Variants in JADE2 observed in about 807,000 individuals in gnomAD.
The protein encoded by JADE2 is jade family PHD finger 2.
In JADE2, 13 loss-of-function variants were observed where a neutral mutation model predicts 85.7. The observed-to-expected ratio is 0.15, with a 90% CI of 0.10 to 0.24. JADE2 has a LOEUF of 0.24. Ranked by LOEUF, JADE2 falls within the 10% of genes least tolerant of loss-of-function variation. The probability of loss-of-function intolerance (pLI) is 1.00; values close to 1 mark genes in which losing one functional copy is unlikely to be tolerated. For synonymous variants in JADE2, 440 were observed against 456.1 expected (o/e 0.96, Z 0.45); for missense variants, 846 against 1,115.9 (o/e 0.76, Z 3.45).
At position 134,566,694 on chromosome 5, in the gene JADE2, C is replaced by T. The variant is rs752036204; in HGVS notation, c.1434+114C>T. The T allele has an allele frequency of 1.5e-4, 122 of 815,980 alleles. No individual in the cohort carries two copies. The highest frequency in any genetic ancestry group is 2.2e-4 in the Non-Finnish European group (117 of 531,954). The allele number at this position is 815,980 out of a possible 1,614,324, so 50.5% of individuals were successfully genotyped here. On this transcript the variant is annotated intron_variant, in intron 9 of 11. Coordinates refer to ENST00000681547, the MANE Select transcript of JADE2 (RefSeq NM_001388185.1). The surrounding 1 kb of genome is among the most constrained non-coding windows in gnomAD (Gnocchi z 6.7). ...CTCACCAGGACTCAAACTGTGAGCT[C>T]TGGTGGACCGGCCCTGCTGCAGGAG...
chr5:134,533,511 G>T, intron 1 of JADE2: 1 of 984,904 alleles, frequency 1.0e-6, no homozygotes, highest in Non-Finnish European at 1.2e-6. Context: ...AATACTGTGG[G>T]AGATGCTGGC....
At position 134,564,596 on chromosome 5, in the gene JADE2, G is replaced by T; in HGVS notation, c.955G>T (p.Gly319Cys). The T allele has an allele frequency of 6.4e-7, 1 of 1,554,244 alleles. No homozygotes were observed. Among genetic ancestry groups the T allele is most frequent in the East Asian group, 2.4e-5 (1 of 41,676 alleles). ...CTGCAGCCTCTGCAAGGAATGCACA[G>T]GCACCTGCATCCAGGTATGTGGCCT... is the stretch of plus-strand genomic sequence containing the variant. The part of the protein sequence containing the change: ...LSCSLCKECT[G>C]TCIQCSMPSC... The change falls in exon 8 of 12, where the codon GGC becomes TGC. Residue 319 changes from glycine to cysteine, a missense_variant. Around this residue, in one of 9 missense-constraint regions of JADE2, gnomAD observed 129 missense variants for 255.4 expected, o/e 0.51. Coordinates refer to ENST00000681547, the MANE Select transcript of JADE2 (RefSeq NM_001388185.1).
intron 4 of JADE2, among the ~76,000 whole-genome samples, chr5:134,556,712 C>A (rs554361406): frequency 6.8e-6 from 1 of 146,278 alleles, no homozygotes; most frequent in East Asian, 2.1e-4. Context: ...ACACACCACA[C>A]ACACACCTCA....
rs549694310 is a variant in JADE2 at position 134,580,425 on chromosome 5, T to TTCCC, written c.*1108_*1109insTCCC. The TTCCC allele has an allele frequency of 2.8e-5, 2 of 72,078 alleles. No homozygotes were observed. Among genetic ancestry groups the TTCCC allele is most frequent in the Admixed American group, 1.5e-4 (1 of 6,636 alleles). 4.5% of individuals were successfully genotyped at this position (72,078 alleles called of 1,614,324 possible). Reference sequence around the variant, plus strand: ...TGAGCCTTAACCCCTCGCACAGCCATCCCCCCCCCCGTCCTGCCATCCCCC... The same window carrying TTCCC: ...TGAGCCTTAACCCCTCGCACAGCCATTCCCCCCCCCCCCCGTCCTGCCATCCCCC... On this transcript the variant is annotated 3_prime_UTR_variant, in exon 12 of 12. Coordinates refer to ENST00000681547, the MANE Select transcript of JADE2 (RefSeq NM_001388185.1).
intron 1 of JADE2, among the ~76,000 whole-genome samples, chr5:134,534,315 C>T (rs11956902): frequency 0.11 from 17,225 of 152,012 alleles, 1,430 homozygotes; most frequent in Admixed American, 0.28. Context: ...CTACTGTGAG[C>T]GCTTAGCAGT....
intron 1 of JADE2, among the ~76,000 whole-genome samples, chr5:134,527,648 C>T (rs558759480): frequency 3.9e-5 from 6 of 152,148 alleles, no homozygotes; most frequent in African/African-American, 9.6e-5. Flanking sequence ...CCTCCGGCTC[C>T]TCCTCCCGGC....
intron 8 of JADE2, among the ~76,000 whole-genome samples, 193 bp downstream of exon 8, chr5:134,564,803 G>T (rs1763539144): frequency 6.6e-6 from 1 of 152,142 alleles, no homozygotes; most frequent in South Asian, 2.1e-4. Flanking sequence ...GGTCTTCTAG[G>T]GAGTGGGAAC....
At chr5:134,564,281 C>T in intron 7 of JADE2, 1 of 485,764 alleles carries the variant, frequency 2.1e-6, no homozygotes, top group South Asian at 2.6e-5. Context: ...CACACACTAA[C>T]ACACTCATCC....
intron 3 of JADE2, 66 bp from the exon 4 acceptor site, chr5:134,551,986 C>A: frequency 6.6e-7 from 1 of 1,518,882 alleles, no homozygotes; most frequent in Non-Finnish European, 9.1e-7. Flanking sequence ...GCCTCTTCCT[C>A]TGGCCTGTGG....
rs920328355 is a variant in JADE2 at position 134,582,466 on chromosome 5, C to G, written c.*3149C>G. The stretch of plus-strand genomic sequence containing the variant: ...CTAGCTGGGACAATTCCTAGAGATT[C>G]AACTGCCCAATTCTAACCAACATTG... On this transcript the variant is annotated 3_prime_UTR_variant, in exon 12 of 12. Coordinates refer to ENST00000681547, the MANE Select transcript of JADE2 (RefSeq NM_001388185.1). 1 of 152,246 alleles carries G rather than the reference C, an allele frequency of 6.6e-6. No homozygotes were observed. Among genetic ancestry groups the G allele is most frequent in the Non-Finnish European group, 1.5e-5 (1 of 68,054 alleles). 9.4% of individuals were successfully genotyped at this position (152,246 alleles called of 1,614,324 possible).
At chr5:134,574,080 C>A in intron 10 of JADE2, 1 of 391,398 alleles carries the variant, frequency 2.6e-6, no homozygotes, top group African/African-American at 2.1e-5. Context: ...AGAAGAAGTC[C>A]TAGTGGCTCT....
At position 134,525,809 on chromosome 5, in the gene JADE2, G is replaced by C. The variant is rs946310471; in HGVS notation, c.-203G>C. 186 of 1,017,262 alleles carry C rather than the reference G, an allele frequency of 1.8e-4. No individual in the cohort carries two copies. The highest frequency in any genetic ancestry group is 2.1e-4 in the Non-Finnish European group (176 of 847,638). 63.0% of individuals were successfully genotyped at this position (1,017,262 alleles called of 1,614,324 possible). On this transcript the variant is annotated 5_prime_UTR_variant, in exon 1 of 12. Coordinates refer to ENST00000681547, the MANE Select transcript of JADE2 (RefSeq NM_001388185.1). ...GGCACCGGCTTAGGTCCTGCGGGCCGACCGTCCCCGGCGGGGGGCGTGGGG... is the reference window on the plus strand; with the variant it reads ...GGCACCGGCTTAGGTCCTGCGGGCCCACCGTCCCCGGCGGGGGGCGTGGGG...
chr5:134,530,235 G>A (rs1376532357), intron 1 of JADE2, among the ~76,000 whole-genome samples: 1 of 152,240 alleles, frequency 6.6e-6, no homozygotes, highest in African/African-American at 2.4e-5. Flanking sequence ...AGGCTCTGAG[G>A]ACAGGTTTTC....
chr5:134,525,741 G>C lies in JADE2; in HGVS notation c.-271G>C, dbSNP rs749577444. On this transcript the variant is annotated 5_prime_UTR_variant, in exon 1 of 12. Transcript: ENST00000681547. ...GCAGTTGGAGGCTATTTTTTGGGGG[G>C]GGTGAGTAGCGTCCATGGAGTTACT... The C allele has an allele frequency of 4.1e-6, 5 of 1,228,638 alleles. No individual in the cohort carries two copies. Among genetic ancestry groups the C allele is most frequent in the South Asian group, 1.4e-5 (1 of 73,686 alleles). The allele number at this position is 1,228,638 out of a possible 1,614,324, so 76.1% of individuals were successfully genotyped here.
At chr5:134,555,386 C>T (rs2149950247) in intron 4 of JADE2, among the ~76,000 whole-genome samples, 1 of 152,364 alleles carries the variant, frequency 6.6e-6, no homozygotes, top group South Asian at 2.1e-4. Flanking sequence ...CTCCTCCCAG[C>T]TGACCTCCGC....
rs1764781523 is a variant in JADE2 at position 134,583,003 on chromosome 5, CA to C, written c.*3688del. The C allele has an allele frequency of 6.6e-6, 1 of 152,636 alleles. No homozygotes were observed. Among genetic ancestry groups the C allele is most frequent in the Non-Finnish European group, 1.5e-5 (1 of 68,050 alleles). The allele number at this position is 152,636 out of a possible 1,614,324, so 9.5% of individuals were successfully genotyped here. Reference sequence around the variant, plus strand: ...CCTTTTTGTACATTGTCCATGTGCGCAACCCTTAACGAGCAATAGAATGTAT... The same window carrying C: ...CCTTTTTGTACATTGTCCATGTGCGCACCCTTAACGAGCAATAGAATGTAT... On this transcript the variant is annotated 3_prime_UTR_variant, in exon 12 of 12. Transcript: ENST00000681547.
intron 3 of JADE2, among the ~76,000 whole-genome samples, chr5:134,550,756 G>T (rs1178885514): frequency 6.6e-6 from 1 of 152,198 alleles, no homozygotes; most frequent in African/African-American, 2.4e-5. Context: ...GCAGAGTTTA[G>T]AGCTTGTTCT....
intron 3 of JADE2, among the ~76,000 whole-genome samples, chr5:134,539,043 T>TTTATTTA (rs1554124816): frequency 3.0e-5 from 4 of 134,416 alleles, no homozygotes; most frequent in Non-Finnish European, 4.7e-5. Context: ...TTTATTTTTA[T>TTTATTTA]TTTATTTATT....
intron 4 of JADE2, among the ~76,000 whole-genome samples, chr5:134,558,594 AG>A (rs1763129730): frequency 6.6e-6 from 1 of 152,260 alleles, no homozygotes; most frequent in Non-Finnish European, 1.5e-5. Flanking sequence ...GCTGGAGTGC[AG>A]TGGCACGATC....
Sources: gnomAD v4.1 joint callset for allele counts (sites outside exome capture counted in the v4.1 genomes callset) on GRCh38, gnomAD v4.1.1 for gene constraint, gnomAD v4.1.1 regional missense constraint, Gnocchi (gnomAD v3.1) non-coding constraint, MANE v1.5 for transcripts, NCBI Gene and HGNC (gene_info 2026-07-23, HGNC 2026-07-21) for gene names.